EIF4B: variants seen among roughly 807,000 people sequenced by gnomAD.
EIF4B encodes eukaryotic translation initiation factor 4B.
EIF4B carries 8 observed loss-of-function variants against 79.3 expected under a neutral mutation model. The ratio of observed to expected loss-of-function variants is 0.10; its 90% CI spans 0.06 to 0.18. EIF4B has a LOEUF of 0.18. Among genes scored for constraint, EIF4B ranks in the 10% least tolerant of loss-of-function variants. EIF4B has a pLI of 1.00. For synonymous variants in EIF4B, 238 were observed against 274.7 expected, an observed-to-expected ratio of 0.87 and a Z score of 1.32; for missense variants, 515 against 792.4, an observed-to-expected ratio of 0.65 and a Z score of 4.20.
At chr12:53,010,724 G>A (rs1166734587) in intron 1 of EIF4B, among the ~76,000 whole-genome samples, 1 of 152,030 alleles carries the variant, frequency 6.6e-6, no homozygotes, top group African/African-American at 2.4e-5. Flanking sequence ...TCAGCTCACT[G>A]CAATCTCCAC....
intron 8 of EIF4B, among the ~76,000 whole-genome samples, chr12:53,029,083 C>G (rs140308371): frequency 1.4e-3 from 215 of 151,478 alleles, no homozygotes; most frequent in African/African-American, 4.9e-3. Context: ...TGAGATCGCA[C>G]CACTGCACTC....
chr12:53,040,452 C>T lies in EIF4B; in HGVS notation c.*229C>T, dbSNP rs949826339. 7 of 442,582 alleles carry T rather than the reference C, an allele frequency of 1.6e-5. No individual in the cohort carries two copies. Among genetic ancestry groups the T allele is most frequent in the African/African-American group, 1.4e-4 (7 of 50,246 alleles). The allele number at this position is 442,582 out of a possible 1,614,324, so 27.4% of individuals were successfully genotyped here. ...ACAGCCAGAGAGAAAGGGACTACAG[C>T]TTTTTAGAGGAAAAGTTGTGGTGCG... On this transcript the variant is annotated 3_prime_UTR_variant, in exon 15 of 15. Coordinates refer to ENST00000262056, the MANE Select transcript of EIF4B (RefSeq NM_001417.7).
At chr12:53,021,021 A>G (rs922362566) in intron 4 of EIF4B, among the ~76,000 whole-genome samples, 41 of 152,350 alleles carry the variant, frequency 2.7e-4, no homozygotes, top group African/African-American at 9.1e-4. Context: ...AGATTTCATT[A>G]TAGTGGTGTT....
intron 5 of EIF4B, 44 bp from the exon 6 acceptor site, chr12:53,022,449 T>C (rs562544751): frequency 1.7e-4 from 270 of 1,604,648 alleles, no homozygotes; most frequent in Admixed American, 7.4e-4. Context: ...TTGGGCAAAG[T>C]TTTTATGAGA....
intron 14 of EIF4B, 100 bp downstream of exon 14, chr12:53,039,802 T>G (rs1943600231): frequency 7.4e-7 from 1 of 1,350,756 alleles, no homozygotes; most frequent in Admixed American, 2.5e-5. Context: ...ATTCTAAACT[T>G]TTTGCCGTTG....
At chr12:53,034,283 G>T (rs1259058423) in intron 9 of EIF4B, among the ~76,000 whole-genome samples, 1 of 152,190 alleles carries the variant, frequency 6.6e-6, no homozygotes, top group Non-Finnish European at 1.5e-5. Flanking sequence ...TATCTAAAAG[G>T]CTAGAGACCT....
At chr12:53,022,257 C>CTCCT (rs984474988) in intron 5 of EIF4B, 8 of 703,264 alleles carry the variant, frequency 1.1e-5, no homozygotes, top group Non-Finnish European at 2.0e-5. Context: ...GTTTCAGGGA[C>CTCCT]TCCTGGCCCA....
intron 3 of EIF4B, among the ~76,000 whole-genome samples, chr12:53,019,435 ATATTTTT>A (rs1565586186): frequency 8.1e-4 from 32 of 39,444 alleles, no homozygotes; most frequent in Non-Finnish European, 1.8e-3. Flanking sequence ...ATATATATAT[ATATTTTT>A]TTTTTTTCTT....
chr12:53,039,194 T>C (rs17122378), intron 12 of EIF4B, 44 bp from the exon 13 acceptor site: 90,455 of 1,375,118 alleles, frequency 0.066, 3,570 homozygotes, highest in African/African-American at 0.18. Context: ...GGGACATTGA[T>C]ACTTTTACTT....
intron 6 of EIF4B, chr12:53,025,444 A>G: frequency 3.0e-6 from 1 of 328,494 alleles, no homozygotes; most frequent in South Asian, 2.5e-5. Flanking sequence ...GGCCAAAAAG[A>G]GAACCCCGAG....
chr12:53,016,294 C>T (rs567234560), intron 1 of EIF4B, among the ~76,000 whole-genome samples, 179 bp from the exon 2 acceptor site: 91 of 152,286 alleles, frequency 6.0e-4, no homozygotes, highest in Non-Finnish European at 9.7e-4. Context: ...AGGTATTCTG[C>T]AACTTTTAAA....
chr12:53,027,136 A>ATTTTTTTTTTTTTTTTTTTTTTTTTTTT (rs777111413), intron 6 of EIF4B, among the ~76,000 whole-genome samples: 2 of 29,500 alleles, frequency 6.8e-5, no homozygotes, highest in African/African-American at 1.2e-4. Context: ...AAAAAAAAAA[A>ATTTTTTTTTTTTTTTTTTTTTTTTTTTT]ATTTTTTTTT....
Position 53,031,709 on chromosome 12 carries a change from G to A in EIF4B, c.980-2097G>A, listed in dbSNP as rs74383721. On this transcript the variant is annotated intron_variant, in intron 8 of 14. Transcript: ENST00000262056. Reference sequence around the variant, plus strand: ...TATAAACTGTCGGCTTAAAGCCCTCGTAGAAAATTTAGATCTTGTTAAACA... The same window carrying A: ...TATAAACTGTCGGCTTAAAGCCCTCATAGAAAATTTAGATCTTGTTAAACA... Among the ~76,000 whole-genome samples the A allele has an allele frequency of 2.0e-4, 30 of 152,316 alleles. No individual in the cohort carries two copies. The East Asian group carries it at 3.3e-3, about 17-fold the overall frequency.
At chr12:53,039,970 T>G in intron 14 of EIF4B, 173 bp from the exon 15 acceptor site, 2 of 743,322 alleles carry the variant, frequency 2.7e-6, no homozygotes, top group Non-Finnish European at 4.4e-6. Flanking sequence ...TAAGATCGCA[T>G]GTGCCTCTGA....
chr12:53,022,993 GTC>G (rs1268523216), intron 6 of EIF4B, among the ~76,000 whole-genome samples: 1 of 152,004 alleles, frequency 6.6e-6, no homozygotes, highest in Non-Finnish European at 1.5e-5. Flanking sequence ...ACAAGACCCT[GTC>G]TACCAAAAAG....
At chr12:53,020,819 T>C (rs994822883) in intron 4 of EIF4B, among the ~76,000 whole-genome samples, 1 of 152,188 alleles carries the variant, frequency 6.6e-6, no homozygotes, top group Non-Finnish European at 1.5e-5. Context: ...TAAATGCATA[T>C]GAAGGTCTAA....
Position 53,016,451 on chromosome 12 carries a change from T to C in EIF4B, c.14-22T>C, listed in dbSNP as rs748956462. 3.1e-6 allele frequency: 5 copies of C among 1,611,896 alleles called. No homozygotes were observed. In the South Asian group the frequency reaches 5.5e-5, roughly 18 times the overall value. Reference sequence around the variant, plus strand: ...AATACCTGAGTATTGGTGAATAATCTTTCTCTTGCCTTTTAAAACAGCAAA... The same window carrying C: ...AATACCTGAGTATTGGTGAATAATCCTTCTCTTGCCTTTTAAAACAGCAAA... On this transcript the variant is annotated intron_variant, in intron 1 of 14. Transcript: ENST00000262056.
intron 4 of EIF4B, among the ~76,000 whole-genome samples, chr12:53,020,491 T>A (rs1222173357): frequency 6.6e-6 from 1 of 152,252 alleles, no homozygotes; most frequent in Non-Finnish European, 1.5e-5. Context: ...AGGAATATTT[T>A]ACAGGAGAGT....
At position 53,040,210 on chromosome 12, in the gene EIF4B, A is replaced by G. The variant is rs1276293767; in HGVS notation, c.1823A>G (p.Asp608Gly). 6 of 1,613,778 alleles carry G rather than the reference A, an allele frequency of 3.7e-6. No homozygotes were observed. The highest frequency in any genetic ancestry group is 5.1e-6 in the Non-Finnish European group (6 of 1,179,744). ...GGTGAAGATGAAAATGAGGGAGAAG[A>G]TTATGCCGAATAGACCTCTACATCC... Reference protein sequence around the residue: ...VDGEDENEGEDYAE With the variant: ...VDGEDENEGEGYAE Residue 608 changes from aspartate to glycine, a missense_variant, in exon 15 of 15, where the codon GAT becomes GGT. Around this residue, in one of 6 missense-constraint regions of EIF4B, gnomAD observed 60 missense variants for 56.7 expected, o/e 1.06. Transcript: ENST00000262056.
Sources: allele counts gnomAD v4.1 joint callset (sites outside exome capture counted in the v4.1 genomes callset), GRCh38; gene constraint gnomAD v4.1.1; regional missense constraint gnomAD v4.1.1; transcripts MANE v1.5; gene names NCBI Gene and HGNC (gene_info 2026-07-23, HGNC 2026-07-21).